The following PHC2 variants were observed in gnomAD, a reference collection of about 807,000 sequenced individuals.
PHC2 encodes polyhomeotic-like protein 2.
Under a neutral mutation model 87.4 loss-of-function variants are expected in PHC2, and 29 were observed. The ratio of observed to expected loss-of-function variants is 0.33; its 90% CI spans 0.25 to 0.45. The LOEUF is 0.45. Ranked by LOEUF, PHC2 falls within the 20% of genes least tolerant of loss-of-function variation. The pLI, the probability that PHC2 is intolerant of heterozygous loss-of-function variation, is 1.00. For synonymous variants in PHC2, 438 were observed against 461.7 expected (o/e 0.95, Z 0.66); for missense variants, 857 against 1,136.7 (o/e 0.75, Z 3.54).
At position 33,367,160 on chromosome 1, in the gene PHC2, C is replaced by A; in HGVS notation, c.932G>T (p.Ser311Ile). 6.2e-7 allele frequency: 1 copy of A among 1,613,912 alleles called. No homozygotes were observed. Among genetic ancestry groups the A allele is most frequent in the Non-Finnish European group, 8.5e-7 (1 of 1,179,868 alleles). ...GGCAGCCACAGCAGGAACCGTCCGG[C>A]TGAGCCCAGCCCGGCCTTCCATGCT... is the stretch of plus-strand genomic sequence containing the variant. The part of the protein sequence containing the change: ...PGSMEGRAGL[S>I]RTVPAVAAHP... The change falls in exon 7 of 15, where the codon AGC (serine) becomes ATC (isoleucine). Residue 311 changes from serine to isoleucine, a missense_variant. By Grantham distance (142) the Ser-to-Ile change is moderately radical. This residue lies in a region of PHC2 where 832 missense variants were observed against 1,081.8 expected (regional missense o/e 0.77). Coordinates refer to ENST00000683057, the MANE Select transcript of PHC2 (RefSeq NM_001385109.1).
At chr1:33,326,129 G>A (rs72658236) in intron 14 of PHC2, 7,671 of 293,694 alleles carry the variant, frequency 0.026, 157 homozygotes, top group Non-Finnish European at 0.038. Context: ...AATGTGGAAG[G>A]TGTTGCTTGG....
At chr1:33,394,973 A>G (rs573598740) in intron 1 of PHC2, among the ~76,000 whole-genome samples, 46 of 152,220 alleles carry the variant, frequency 3.0e-4, no homozygotes, top group South Asian at 6.2e-4. Context: ...TATAACCCAG[A>G]AATTCCATCC....
At chr1:33,326,028 G>T (rs1646363778) in intron 14 of PHC2, 1 of 366,436 alleles carries the variant, frequency 2.7e-6, no homozygotes, top group Admixed American at 3.5e-5. Flanking sequence ...TGAAATAAAA[G>T]AACATTTTGT....
intron 7 of PHC2, among the ~76,000 whole-genome samples, chr1:33,356,766 C>T (rs982241526): frequency 2.0e-5 from 3 of 152,182 alleles, no homozygotes; most frequent in African/African-American, 7.2e-5. Context: ...TCGACAAAAT[C>T]GCCATCGTCA....
At chr1:33,376,412 A>G (rs1358279335) in intron 1 of PHC2, among the ~76,000 whole-genome samples, 1 of 152,206 alleles carries the variant, frequency 6.6e-6, no homozygotes, top group African/African-American at 2.4e-5. Flanking sequence ...GAGATTTGAG[A>G]TCAGGTCTGG....
intron 9 of PHC2, among the ~76,000 whole-genome samples, chr1:33,354,079 C>A (rs536976493): frequency 5.9e-5 from 9 of 152,326 alleles, no homozygotes; most frequent in Admixed American, 1.3e-4. Flanking sequence ...AGAACTGTGA[C>A]AACTGGCCAC....
intron 9 of PHC2, among the ~76,000 whole-genome samples, chr1:33,335,563 CTTAA>C (rs1646609877): frequency 6.6e-6 from 1 of 152,180 alleles, no homozygotes; most frequent in Non-Finnish European, 1.5e-5. Flanking sequence ...ATTCTTTGTG[CTTAA>C]TTATATAGTA....
chr1:33,403,718 TC>T (rs1235619679), intron 1 of PHC2, among the ~76,000 whole-genome samples: 1 of 152,212 alleles, frequency 6.6e-6, no homozygotes, highest in Non-Finnish European at 1.5e-5. Context: ...AAAATTACTT[TC>T]ACTGAGGTCA....
At chr1:33,330,607 G>C (rs956137894) in intron 12 of PHC2, among the ~76,000 whole-genome samples, 14 of 152,308 alleles carry the variant, frequency 9.2e-5, no homozygotes, top group South Asian at 2.1e-4. Flanking sequence ...CAGCCTGAGG[G>C]GAATGAGGGC....
rs1474975389 is a variant in PHC2, at chr1:33,375,492, G to C, written c.48C>G (p.Ala16=). ...PVPHTSSSAC[A]TSSTSGASSS... ...TACTGGCCCCGCTGGTACTGCTGGT[G>C]GCACAGGCACTGCTAGATGTATGTG... is the stretch of plus-strand genomic sequence containing the variant. The change falls in exon 2 of 15, where the codon GCC becomes GCG. Residue 16 remains alanine (A), a synonymous_variant. Transcript: ENST00000683057. 5.6e-6 allele frequency: 9 copies of C among 1,610,890 alleles called. No homozygotes were observed. In the African/African-American group the frequency reaches 1.2e-4, roughly 22 times the overall value.
At position 33,328,921 on chromosome 1, in the gene PHC2, G is replaced by T; in HGVS notation, c.2374C>A (p.Pro792Thr). 1 of 1,613,826 alleles carries T rather than the reference G, an allele frequency of 6.2e-7. No homozygotes were observed. The highest frequency in any genetic ancestry group is 8.5e-7 in the Non-Finnish European group (1 of 1,179,746). Residue 792 changes from proline to threonine, a missense_variant, in exon 14 of 15, where the codon CCC becomes ACC. Pro to Thr is a conservative substitution (Grantham distance 38). Transcript: ENST00000683057. ...GMGHHFLPSE[P>T]TKWNVEDVYE... ...ACGTCTTCTACATTCCACTTGGTGG[G>T]CTCACTTGGCAGGAAGTGGTGTCCC...
At chr1:33,417,611 G>T (rs1281937851) in intron 1 of PHC2, among the ~76,000 whole-genome samples, 1 of 152,096 alleles carries the variant, frequency 6.6e-6, no homozygotes, top group Non-Finnish European at 1.5e-5. Flanking sequence ...CCTAGTAACA[G>T]AGTTTCAAAA....
chr1:33,400,300 C>T (rs1649470497), intron 1 of PHC2, among the ~76,000 whole-genome samples: 1 of 152,204 alleles, frequency 6.6e-6, no homozygotes, highest in Admixed American at 6.5e-5. Flanking sequence ...GGATACACAT[C>T]CCCCAAGTTA....
rs763100263 is a variant in PHC2 at position 33,354,501 on chromosome 1, C to T, written c.1458G>A (p.Thr486=). 9.3e-6 allele frequency: 15 copies of T among 1,613,992 alleles called. No individual in the cohort carries two copies. The highest frequency in any genetic ancestry group is 1.6e-4 in the Middle Eastern group (1 of 6,076). ...GCTGATGTGGTGATGGGCCAGACCG[C>T]GTCTCAGGCACACTTTTCTCCCCTG... ...VAPGEKSVPE[T]RSGPSPHQQA... Residue 486 remains threonine, a synonymous_variant, in exon 9 of 15, where the codon ACG becomes ACA. Transcript: ENST00000683057.
intron 2 of PHC2, 42 bp downstream of exon 2, chr1:33,375,324 G>C (rs1258979863): frequency 2.8e-6 from 4 of 1,429,268 alleles, no homozygotes; most frequent in Non-Finnish European, 3.7e-6. Context: ...TAGCCCTGGA[G>C]ATGATTAAGG....
chr1:33,331,898 A>C lies in PHC2; in HGVS notation c.1891+377T>G, dbSNP rs1401693361. Among the ~76,000 whole-genome samples the C allele has an allele frequency of 6.6e-6, 1 of 152,252 alleles. No homozygotes were observed. Among genetic ancestry groups the C allele is most frequent in the African/African-American group, 2.4e-5 (1 of 41,470 alleles). On this transcript the variant is annotated intron_variant, in intron 11 of 14. Coordinates refer to ENST00000683057, the MANE Select transcript of PHC2 (RefSeq NM_001385109.1). The surrounding 1 kb of genome is among the most constrained non-coding windows in gnomAD (Gnocchi z 5.2). ...AGCTGTGCAGCTCTGTCAGTGCTTC[A>C]TGTGGAAAGAGCAGCCTTGCCTGGT...
chr1:33,359,325 A>G (rs902780344), intron 7 of PHC2, among the ~76,000 whole-genome samples: 1 of 152,176 alleles, frequency 6.6e-6, no homozygotes, highest in African/African-American at 2.4e-5. Context: ...TCTTGCCGCA[A>G]AGTATATGGG....
At chr1:33,395,063 T>C (rs1649238544) in intron 1 of PHC2, among the ~76,000 whole-genome samples, 1 of 152,252 alleles carries the variant, frequency 6.6e-6, no homozygotes, top group African/African-American at 2.4e-5. Flanking sequence ...GCTTCATTCA[T>C]AATAGCCCCC....
At chr1:33,350,473 C>A (rs1406453637) in intron 9 of PHC2, 1 of 152,286 alleles carries the variant, frequency 6.6e-6, no homozygotes, top group Non-Finnish European at 1.5e-5. Context: ...CTTCCCCAAG[C>A]GCACCGGGTG....
Sources: allele counts gnomAD v4.1 joint callset (sites outside exome capture counted in the v4.1 genomes callset), GRCh38; gene constraint gnomAD v4.1.1; regional missense constraint gnomAD v4.1.1; non-coding constraint Gnocchi (gnomAD v3.1); transcripts MANE v1.5; gene names NCBI Gene and HGNC (gene_info 2026-07-23, HGNC 2026-07-21).